NNT: variants seen among roughly 807,000 people sequenced by gnomAD.
NNT encodes nicotinamide nucleotide transhydrogenase.
A neutral mutation model predicts 104.8 loss-of-function variants in NNT; 50 were observed. That is an observed-to-expected ratio of 0.48 (90% CI 0.38 to 0.60). The LOEUF is 0.60. Among genes scored for constraint, NNT ranks in the 20% least tolerant of loss-of-function variants. The pLI, the probability that NNT is intolerant of heterozygous loss-of-function variation, is 0.00. For synonymous variants in NNT, 461 were observed against 490.4 expected, an observed-to-expected ratio of 0.94 and a Z score of 0.79; for missense variants, 1,131 against 1,330.7, an observed-to-expected ratio of 0.85 and a Z score of 2.33.
At chr5:43,651,643 G>C in intron 12 of NNT, 96 bp from the exon 13 acceptor site, 1 of 1,288,956 alleles carries the variant, frequency 7.8e-7, no homozygotes, top group Non-Finnish European at 1.1e-6. Context: ...TGATAAAGAT[G>C]TGCTTAAAAC....
intron 7 of NNT, 132 bp downstream of exon 7, chr5:43,628,519 C>T (rs1292844133): frequency 3.3e-6 from 2 of 608,224 alleles, no homozygotes; most frequent in Non-Finnish European, 5.2e-6. Flanking sequence ...TATAAAAGTA[C>T]TAGAAAACGA....
At chr5:43,673,486 T>C (rs79372518) in intron 17 of NNT, among the ~76,000 whole-genome samples, 5,132 of 152,312 alleles carry the variant, frequency 0.034, 133 homozygotes, top group East Asian at 0.12. Context: ...TCTTAATGTC[T>C]GAAATAGTCC....
chr5:43,674,535 A>G (rs59661208), intron 17 of NNT, among the ~76,000 whole-genome samples: 2,131 of 152,378 alleles, frequency 0.014, 51 homozygotes, highest in African/African-American at 0.044. Context: ...TATTTATTAC[A>G]GCACTTAAAA....
chr5:43,639,423 C>G, intron 7 of NNT, among the ~76,000 whole-genome samples: 1 of 152,242 alleles, frequency 6.6e-6, no homozygotes, highest in East Asian at 1.9e-4. Context: ...ATGCCTTACA[C>G]TAACCTGTGG....
intron 21 of NNT, among the ~76,000 whole-genome samples, chr5:43,703,837 T>C (rs1742983464): frequency 6.6e-6 from 1 of 152,180 alleles, no homozygotes; most frequent in Non-Finnish European, 1.5e-5. Context: ...ATAACATTGT[T>C]TTCCCACTCA....
chr5:43,609,252 T>C lies in NNT; in HGVS notation c.57T>C (p.Asn19=), dbSNP rs372097869. ...GCTGCTCGTGTCCTCTACTTAGCAA[T>C]TTGGGGTCCTGTAAGGGTCTACGTG... is the stretch of plus-strand genomic sequence containing the variant. ...VTGCSCPLLS[N]LGSCKGLRVK... The change falls in exon 2 of 22, where the codon AAT becomes AAC. Residue 19 remains asparagine, a synonymous_variant. Transcript: ENST00000344920. 23 of 1,614,024 alleles carry C rather than the reference T, an allele frequency of 1.4e-5. No individual in the cohort carries two copies. The African/African-American group carries it at 2.1e-4, about 15-fold the overall frequency.
At chr5:43,651,347 C>A (rs747052737) in intron 12 of NNT, among the ~76,000 whole-genome samples, 3 of 152,056 alleles carry the variant, frequency 2.0e-5, no homozygotes, top group Non-Finnish European at 4.4e-5. Flanking sequence ...GAGGTCAAGG[C>A]GGGTAGATCA....
intron 4 of NNT, among the ~76,000 whole-genome samples, 195 bp downstream of exon 4, chr5:43,616,260 T>A (rs926452899): frequency 1.3e-5 from 2 of 152,238 alleles, no homozygotes; most frequent in African/African-American, 4.8e-5. Context: ...ACTCTATTTA[T>A]ATTCCTTTTT....
chr5:43,682,711 T>C (rs1741788852), intron 19 of NNT, among the ~76,000 whole-genome samples: 1 of 152,214 alleles, frequency 6.6e-6, no homozygotes, highest in Non-Finnish European at 1.5e-5. Flanking sequence ...ATAGACATTA[T>C]TTAGCAGTTT....
intron 17 of NNT, among the ~76,000 whole-genome samples, chr5:43,669,313 C>A (rs1278532527): frequency 1.1e-4 from 16 of 152,104 alleles, no homozygotes; most frequent in Non-Finnish European, 2.1e-4. Flanking sequence ...ACTTCCAACA[C>A]TATGTTGAAT....
chr5:43,671,652 A>T (rs1300021140), intron 17 of NNT, among the ~76,000 whole-genome samples: 1 of 152,314 alleles, frequency 6.6e-6, no homozygotes, highest in East Asian at 1.9e-4. Context: ...CTGAGAGATC[A>T]GCTGTTAGTC....
intron 17 of NNT, among the ~76,000 whole-genome samples, chr5:43,669,731 T>G (rs1183443703): frequency 9.9e-5 from 15 of 152,182 alleles, no homozygotes; most frequent in Non-Finnish European, 1.6e-4. Flanking sequence ...AGGATATTGG[T>G]CTAAAATTCT....
At chr5:43,612,207 C>T (rs1338445146) in intron 2 of NNT, among the ~76,000 whole-genome samples, 1 of 152,174 alleles carries the variant, frequency 6.6e-6, no homozygotes, top group Non-Finnish European at 1.5e-5. Flanking sequence ...GTGGGTCTCC[C>T]ATTTAAACTC....
intron 6 of NNT, 119 bp from the exon 7 acceptor site, chr5:43,628,081 G>GACT: frequency 1.5e-6 from 1 of 686,726 alleles, no homozygotes; most frequent in Admixed American, 3.1e-5. Context: ...AAATCAAAGG[G>GACT]ACTGTTGACT....
intron 7 of NNT, among the ~76,000 whole-genome samples, chr5:43,642,999 A>C (rs1443164887): frequency 3.3e-5 from 5 of 152,196 alleles, no homozygotes; most frequent in Non-Finnish European, 7.3e-5. Context: ...AAAATAGCTC[A>C]CTGCATCCTC....
intron 7 of NNT, among the ~76,000 whole-genome samples, chr5:43,629,596 G>A (rs1750570118): frequency 6.6e-6 from 1 of 152,184 alleles, no homozygotes; most frequent in African/African-American, 2.4e-5. Context: ...CCCACTAGCA[G>A]TGTAAAAGTG....
At chr5:43,654,135 T>C (rs1219888394) in intron 14 of NNT, among the ~76,000 whole-genome samples, 2 of 152,240 alleles carry the variant, frequency 1.3e-5, no homozygotes, top group African/African-American at 2.4e-5. Context: ...AGGTTACTTA[T>C]GTCTATTGTA....
At chr5:43,689,758 A>G (rs1213369422) in intron 19 of NNT, among the ~76,000 whole-genome samples, 1 of 152,242 alleles carries the variant, frequency 6.6e-6, no homozygotes, top group African/African-American at 2.4e-5. Flanking sequence ...CAAAGAAATC[A>G]AAAACATGAT....
At chr5:43,680,932 A>T (rs977383114) in intron 19 of NNT, among the ~76,000 whole-genome samples, 12 of 152,076 alleles carry the variant, frequency 7.9e-5, no homozygotes, top group Admixed American at 7.2e-4. Flanking sequence ...GACTGATTAT[A>T]TGATAGGCTT....
Sources: gnomAD v4.1 joint callset for allele counts (sites outside exome capture counted in the v4.1 genomes callset) on GRCh38, gnomAD v4.1.1 for gene constraint, MANE v1.5 for transcripts, NCBI Gene and HGNC (gene_info 2026-07-23, HGNC 2026-07-21) for gene names.